The following ARHGEF7 variants were observed in gnomAD, a reference collection of about 807,000 sequenced individuals.
ARHGEF7 encodes the protein PAK-interacting exchange factor beta.
Under a neutral mutation model 109.8 loss-of-function variants are expected in ARHGEF7, and 33 were observed. The ratio of observed to expected loss-of-function variants is 0.30; its 90% CI spans 0.23 to 0.40. The LOEUF (loss-of-function observed/expected upper bound fraction) is 0.40. Among genes scored for constraint, ARHGEF7 ranks in the 10% least tolerant of loss-of-function variants. The pLI is 1.00. For missense variants in ARHGEF7, 938 were observed against 1,098.5 expected (o/e 0.85, Z 2.07); for synonymous variants, 458 against 424.6 (o/e 1.08, Z -0.97).
intron 2 of ARHGEF7, among the ~76,000 whole-genome samples, chr13:111,181,157 A>G (rs960980177): frequency 1.3e-5 from 2 of 152,214 alleles, no homozygotes; most frequent in African/African-American, 4.8e-5. Context: ...TTCTGTGTGT[A>G]TTGGTTACAT....
At chr13:111,268,825 A>G (rs1437868787) in intron 9 of ARHGEF7, among the ~76,000 whole-genome samples, 1 of 152,208 alleles carries the variant, frequency 6.6e-6, no homozygotes, top group African/African-American at 2.4e-5. Context: ...TGCTCAGTGA[A>G]TATTCTGTTG....
chr13:111,278,186 G>A (rs2092593958), intron 13 of ARHGEF7, among the ~76,000 whole-genome samples: 1 of 152,220 alleles, frequency 6.6e-6, no homozygotes, highest in Non-Finnish European at 1.5e-5. Context: ...AAATGTGACA[G>A]CAGATTTGGG....
intron 2 of ARHGEF7, among the ~76,000 whole-genome samples, chr13:111,175,291 C>T (rs1478330761): frequency 6.6e-6 from 1 of 152,184 alleles, no homozygotes; most frequent in Non-Finnish European, 1.5e-5. Context: ...GTACAGAGGA[C>T]AGACATGTTC....
At chr13:111,164,990 T>G (rs142934941) in intron 2 of ARHGEF7, among the ~76,000 whole-genome samples, 2 of 152,258 alleles carry the variant, frequency 1.3e-5, no homozygotes, top group East Asian at 3.9e-4. Flanking sequence ...AAGGATCCTT[T>G]TGGGAAAGCC....
chr13:111,237,490 G>C (rs1333323148), intron 6 of ARHGEF7, among the ~76,000 whole-genome samples: 2 of 152,200 alleles, frequency 1.3e-5, no homozygotes, highest in Admixed American at 6.5e-5. Context: ...TTCTGGAAGT[G>C]ATCAAGTTCT....
chr13:111,204,995 C>A (rs1281205090), intron 2 of ARHGEF7, among the ~76,000 whole-genome samples: 2 of 148,860 alleles, frequency 1.3e-5, no homozygotes, highest in Admixed American at 6.7e-5. Context: ...CAGCAGCCCA[C>A]CCCCCCACCC....
At chr13:111,153,744 C>T in intron 1 of ARHGEF7, 161 bp from the exon 2 acceptor site, 1 of 1,339,606 alleles carries the variant, frequency 7.5e-7, no homozygotes, top group Non-Finnish European at 9.5e-7. Flanking sequence ...AGCGGCTGAG[C>T]GGGTTGGCAT....
intron 14 of ARHGEF7, 70 bp downstream of exon 14, chr13:111,280,420 C>G: frequency 6.3e-7 from 1 of 1,583,804 alleles, no homozygotes; most frequent in South Asian, 1.1e-5. Flanking sequence ...CGTGCAGATT[C>G]TTGCTTGCGT....
At position 111,136,231 on chromosome 13, in the gene ARHGEF7, C is replaced by T. The variant is rs1372170156; in HGVS notation, c.166-17674C>T. 3.3e-5 allele frequency among the ~76,000 whole-genome samples: 5 copies of T among 152,308 alleles called. No individual in the cohort carries two copies. In the South Asian group the frequency reaches 1.0e-3, roughly 32 times the overall value. Reference sequence around the variant, plus strand: ...TATTGAGGATTTTTGCATCAATGTTCATCAGGGATATTGGTCTAAAATTCT... The same window carrying T: ...TATTGAGGATTTTTGCATCAATGTTTATCAGGGATATTGGTCTAAAATTCT... On this transcript the variant is annotated intron_variant, in intron 1 of 21. Coordinates refer to ENST00000646102, the MANE Select transcript of ARHGEF7 (RefSeq NM_001354046.2).
intron 2 of ARHGEF7, among the ~76,000 whole-genome samples, chr13:111,179,660 G>A (rs2078547699): frequency 6.6e-6 from 1 of 152,094 alleles, no homozygotes; most frequent in Non-Finnish European, 1.5e-5. Context: ...ATCTGAACAA[G>A]GGTCATGCAT....
At chr13:111,177,586 C>T (rs1305326874) in intron 2 of ARHGEF7, among the ~76,000 whole-genome samples, 1 of 152,174 alleles carries the variant, frequency 6.6e-6, no homozygotes, top group East Asian at 1.9e-4. Flanking sequence ...CACGGTCCTG[C>T]TGGCAGTCCC....
At chr13:111,287,770 A>G (rs2093084704) in intron 17 of ARHGEF7, among the ~76,000 whole-genome samples, 1 of 152,224 alleles carries the variant, frequency 6.6e-6, no homozygotes, top group South Asian at 2.1e-4. Flanking sequence ...CTCCCCTGGC[A>G]GAGCGGGAGG....
chr13:111,303,136 T>C lies in ARHGEF7; in HGVS notation c.*23T>C. The stretch of plus-strand genomic sequence containing the variant: ...TAAGGGATGTCCTCAGTTCTTTCTG[T>C]TGAAGACCAGTTCTGAGGTGAAGCT... On this transcript the variant is annotated 3_prime_UTR_variant, in exon 22 of 22. Coordinates refer to ENST00000646102, the MANE Select transcript of ARHGEF7 (RefSeq NM_001354046.2). 6.2e-7 allele frequency: 1 copy of C among 1,604,236 alleles called. No homozygotes were observed. Among genetic ancestry groups the C allele is most frequent in the South Asian group, 1.1e-5 (1 of 89,874 alleles).
At chr13:111,300,952 C>CTTT in intron 20 of ARHGEF7, 105 bp downstream of exon 20, 84 of 485,770 alleles carry the variant, frequency 1.7e-4, no homozygotes, top group Middle Eastern at 3.3e-4. Flanking sequence ...AGAAGCTTCA[C>CTTT]TTTTTTTTTT....
At chr13:111,163,431 GTCT>G (rs2153398588) in intron 2 of ARHGEF7, among the ~76,000 whole-genome samples, 1 of 152,262 alleles carries the variant, frequency 6.6e-6, no homozygotes, top group East Asian at 1.9e-4. Context: ...TCTTTGGAAT[GTCT>G]TCTTTGTCTA....
chr13:111,286,091 C>T, intron 16 of ARHGEF7, 56 bp from the exon 17 acceptor site: 1 of 1,377,042 alleles, frequency 7.3e-7, no homozygotes, highest in Non-Finnish European at 1.0e-6. Context: ...TTCTGATATG[C>T]CAGTGAAAAT....
chr13:111,132,807 A>C (rs555199171), intron 1 of ARHGEF7, among the ~76,000 whole-genome samples: 2 of 152,066 alleles, frequency 1.3e-5, no homozygotes, highest in African/African-American at 4.8e-5. Flanking sequence ...TAAACTCACC[A>C]CTTACTTTTT....
chr13:111,115,782 C>A, intron 1 of ARHGEF7, 91 bp downstream of exon 1: 1 of 712,012 alleles, frequency 1.4e-6, no homozygotes. Context: ...CGGCCGCGCT[C>A]GGGAAACCCG....
intron 8 of ARHGEF7, among the ~76,000 whole-genome samples, chr13:111,248,062 T>C (rs1033444170): frequency 2.0e-5 from 3 of 152,228 alleles, no homozygotes; most frequent in Admixed American, 6.5e-5. Flanking sequence ...AGGAACACTT[T>C]AGTTTTTTGT....
Sources: gnomAD v4.1 joint callset for allele counts (sites outside exome capture counted in the v4.1 genomes callset) on GRCh38, gnomAD v4.1.1 for gene constraint, MANE v1.5 for transcripts, NCBI Gene and HGNC (gene_info 2026-07-23, HGNC 2026-07-21) for gene names.